Variants in CELF2 observed in about 807,000 individuals in gnomAD.
CELF2 encodes CUG triplet repeat RNA-binding protein 2.
Under a neutral mutation model 62.6 loss-of-function variants are expected in CELF2, and 8 were observed. The ratio of observed to expected loss-of-function variants is 0.13; its 90% CI spans 0.07 to 0.23. The LOEUF is 0.23. CELF2 is among the 10% of genes least tolerant of loss of function. The pLI is 1.00. For synonymous variants in CELF2, 258 were observed against 250.0 expected (o/e 1.03, Z -0.30); for missense variants, 333 against 671.0 (o/e 0.50, Z 5.56).
rs1253769626 is a variant in CELF2 at position 10,934,362 on chromosome 10, T to G, written c.89+14363T>G. On this transcript the variant is annotated intron_variant, in intron 2 of 13. Transcript: ENST00000636488. This position sits in a 1 kb window ranked among gnomAD's most constrained non-coding sequence, Gnocchi z 4.4. ...ACCTTTCTATCCTCAACACCTAGCA[T>G]AGTGCCTCCAGCACACAACAGATGC... Among the ~76,000 whole-genome samples the G allele has an allele frequency of 2.0e-5, 3 of 152,194 alleles. No homozygotes were observed. Among genetic ancestry groups the G allele is most frequent in the Non-Finnish European group, 4.4e-5 (3 of 68,042 alleles).
intron 1 of CELF2, among the ~76,000 whole-genome samples, chr10:11,124,116 A>G (rs1472689085): frequency 1.3e-5 from 2 of 152,038 alleles, no homozygotes; most frequent in Non-Finnish European, 2.9e-5. Context: ...TGAGAACAGT[A>G]TGGGAGAACT....
At chr10:11,256,407 C>T (rs1378947137) in intron 4 of CELF2, among the ~76,000 whole-genome samples, 2 of 152,132 alleles carry the variant, frequency 1.3e-5, no homozygotes, top group Non-Finnish European at 2.9e-5. Flanking sequence ...AAATGAGACA[C>T]TTCCTGTCCG....
At chr10:10,575,209 A>G in the CELF2 span, among the ~76,000 whole-genome samples, 1 of 152,110 alleles carries the variant, frequency 6.6e-6, no homozygotes, top group Non-Finnish European at 1.5e-5. Context: ...TAGCAACCAA[A>G]ACGTGAATGA....
At chr10:10,792,046 G>GGAGGAAGGAAGGAGGGAGAGAGT in the CELF2 span, among the ~76,000 whole-genome samples, 1 of 127,884 alleles carries the variant, frequency 7.8e-6, no homozygotes, top group Non-Finnish European at 1.8e-5. Context: ...AGGGAGAGAG[G>GGAGGAAGGAAGGAGGGAGAGAGT]GAGGAAGGAA....
the CELF2 span, among the ~76,000 whole-genome samples, chr10:10,667,143 G>A: frequency 6.6e-6 from 1 of 152,148 alleles, no homozygotes; most frequent in Non-Finnish European, 1.5e-5. Context: ...GGGCTGAAAG[G>A]CACCATGCTC....
the CELF2 span, among the ~76,000 whole-genome samples, chr10:10,521,149 G>A: frequency 0.012 from 1,867 of 152,306 alleles, 44 homozygotes; most frequent in African/African-American, 0.043. Context: ...AGAAGCACAG[G>A]TATCCCCTGC....
chr10:10,629,773 G>C, the CELF2 span, among the ~76,000 whole-genome samples: 1 of 128,762 alleles, frequency 7.8e-6, no homozygotes, highest in Admixed American at 9.9e-5. Flanking sequence ...GGAGGCATTT[G>C]TTTTAGGAAT....
intron 1 of CELF2, among the ~76,000 whole-genome samples, chr10:10,840,424 CATT>C (rs746153672): frequency 1.9e-4 from 29 of 152,134 alleles, no homozygotes; most frequent in Admixed American, 3.3e-4. Flanking sequence ...AGTGGTATCT[CATT>C]GTTGTTTAAA....
chr10:11,159,462 T>C lies in CELF2; in HGVS notation c.75-6024T>C, dbSNP rs2065215075. Among the ~76,000 whole-genome samples the C allele has an allele frequency of 6.6e-6, 1 of 152,224 alleles. No individual in the cohort carries two copies. The highest frequency in any genetic ancestry group is 2.4e-5 in the African/African-American group (1 of 41,458). ...CCAGAGCTCTGGGTTGGATGACCAC[T>C]GACTCCTCTTCCTAAATCGAAAGGA... On this transcript the variant is annotated intron_variant, in intron 1 of 12. Transcript: ENST00000633077. The surrounding 1 kb of genome is among the most constrained non-coding windows in gnomAD (Gnocchi z 5.0).
At chr10:11,132,979 A>G (rs1455350711) in intron 1 of CELF2, among the ~76,000 whole-genome samples, 1 of 152,220 alleles carries the variant, frequency 6.6e-6, no homozygotes, top group Admixed American at 6.5e-5. Context: ...ATGAGCAGGG[A>G]TGGCAGCAAT....
At chr10:10,494,441 G>A in the CELF2 span, among the ~76,000 whole-genome samples, 6 of 152,268 alleles carry the variant, frequency 3.9e-5, no homozygotes, top group East Asian at 9.6e-4. Flanking sequence ...ATAGCAGAGC[G>A]CATTACAAGT....
intron 2 of CELF2, among the ~76,000 whole-genome samples, chr10:10,986,950 T>G (rs1312867768): frequency 3.7e-4 from 56 of 152,368 alleles, no homozygotes; most frequent in Non-Finnish European, 1.3e-4. Flanking sequence ...CAGTAACTGA[T>G]GAAAATGTGC....
At chr10:10,695,618 A>T in the CELF2 span, among the ~76,000 whole-genome samples, 1 of 151,858 alleles carries the variant, frequency 6.6e-6, no homozygotes, top group African/African-American at 2.4e-5. Flanking sequence ...ACTTGGTTCC[A>T]TTCTCCCAAT....
chr10:10,464,694 C>A, the CELF2 span, among the ~76,000 whole-genome samples: 4 of 152,086 alleles, frequency 2.6e-5, no homozygotes, highest in Non-Finnish European at 5.9e-5. Context: ...TTGCAGAACG[C>A]AATGTAAAAT....
At chr10:10,847,635 T>G (rs143211161) in intron 1 of CELF2, among the ~76,000 whole-genome samples, 17 of 152,326 alleles carry the variant, frequency 1.1e-4, no homozygotes, top group African/African-American at 4.1e-4. Context: ...CAAGTTCTAG[T>G]GTATTTTAAA....
rs887159955 is a variant in CELF2 at position 11,335,359 on chromosome 10, C to G, written c.*6306C>G. On this transcript the variant is annotated 3_prime_UTR_variant, in exon 13 of 13. Coordinates refer to ENST00000633077, the MANE Select transcript of CELF2 (RefSeq NM_001326342.2). The surrounding 1 kb of genome is among the most constrained non-coding windows in gnomAD (Gnocchi z 5.0). ...GTATTTTCAGACGCACAAGCTCTGA[C>G]TCAGGCCACCCAGCACCTGGCAGCC... 6.6e-6 allele frequency: 1 copy of G among 152,472 alleles called. No individual in the cohort carries two copies. Among genetic ancestry groups the G allele is most frequent in the Non-Finnish European group, 1.5e-5 (1 of 68,214 alleles). The allele number at this position is 152,472 out of a possible 1,614,324, so 9.4% of individuals were successfully genotyped here.
the CELF2 span, among the ~76,000 whole-genome samples, chr10:10,501,178 C>T: frequency 1.3e-5 from 2 of 152,154 alleles, no homozygotes; most frequent in Admixed American, 1.3e-4. Flanking sequence ...TTTAAAGAAA[C>T]AGTTTAGTTT....
chr10:11,180,448 G>A (rs1466232904), intron 2 of CELF2, among the ~76,000 whole-genome samples: 4 of 152,174 alleles, frequency 2.6e-5, no homozygotes, highest in Non-Finnish European at 5.9e-5. Context: ...GTGAGGTCGT[G>A]GAGGCAGAGC....
At position 11,321,024 on chromosome 10, in the gene CELF2, G is replaced by A. The variant is rs781409888; in HGVS notation, c.1097-165G>A. On this transcript the variant is annotated intron_variant, in intron 10 of 12. Transcript: ENST00000633077. This position sits in a 1 kb window ranked among gnomAD's most constrained non-coding sequence, Gnocchi z 6.2. ...TTAGGTCATTTTCCCCCATTATCAC[G>A]ATTTATTTCTTCATGGTTTCATTTT... The A allele has an allele frequency of 2.6e-4, 341 of 1,328,988 alleles. 3 individuals carry two copies. Among genetic ancestry groups the A allele is most frequent in the Admixed American group, 4.5e-4 (20 of 44,076 alleles). 82.3% of individuals were successfully genotyped at this position (1,328,988 alleles called of 1,614,324 possible). A position where few individuals can be genotyped will look rare whatever the true frequency, so the allele number is the denominator to read the frequency against.
Sources: allele counts gnomAD v4.1 joint callset (sites outside exome capture counted in the v4.1 genomes callset), GRCh38; gene constraint gnomAD v4.1.1; non-coding constraint Gnocchi (gnomAD v3.1); transcripts MANE v1.5; gene names NCBI Gene and HGNC (gene_info 2026-07-23, HGNC 2026-07-21).